The following GRIN2B variants were observed in gnomAD, a reference collection of about 807,000 sequenced individuals.
The protein encoded by GRIN2B is glutamate ionotropic receptor NMDA type subunit 2B, also known as glutamate receptor ionotropic, NMDA 2B.
GRIN2B carries 5 observed loss-of-function variants against 114.5 expected under a neutral mutation model. The observed-to-expected ratio is 0.04, with a 90% CI of 0.02 to 0.09. The LOEUF is 0.09. Ranked by LOEUF, GRIN2B falls within the 10% of genes least tolerant of loss-of-function variation. The pLI, the probability that GRIN2B is intolerant of heterozygous loss-of-function variation, is 1.00. For missense variants in GRIN2B, 1,108 were observed against 1,943.5 expected (o/e 0.57, Z 8.08); for synonymous variants, 787 against 745.1 (o/e 1.06, Z -0.92).
chr12:13,807,865 TAACC>T (rs1864638393), intron 3 of GRIN2B, among the ~76,000 whole-genome samples: 1 of 151,946 alleles, frequency 6.6e-6, no homozygotes, highest in Non-Finnish European at 1.5e-5. Context: ...TCAGGAACCT[TAACC>T]AACCCACCCA....
intron 4 of GRIN2B, among the ~76,000 whole-genome samples, chr12:13,678,500 T>A (rs1950097327): frequency 6.6e-6 from 1 of 152,098 alleles, no homozygotes; most frequent in Admixed American, 6.6e-5. Context: ...ATATACAACA[T>A]CAGACTTAGC....
intron 4 of GRIN2B, among the ~76,000 whole-genome samples, chr12:13,708,650 TATC>T (rs1950385107): frequency 6.6e-6 from 1 of 152,086 alleles, no homozygotes; most frequent in African/African-American, 2.4e-5. Context: ...ACTTTACATA[TATC>T]ATTTCTTTCT....
chr12:13,870,631 TAATTA>T (rs1412024624), intron 2 of GRIN2B, among the ~76,000 whole-genome samples: 1 of 152,032 alleles, frequency 6.6e-6, no homozygotes, highest in East Asian at 1.9e-4. Flanking sequence ...ACTTAATCAA[TAATTA>T]AGTCAAAAAT....
In GRIN2B at chr12:13,752,083, C is replaced by A. The variant is rs549782571; in HGVS notation, c.1010+1234G>T. ...TGTGAACCTGGTTTGAGTTTCAACC[C>A]TGAATTGAAGCTGTACTCTACAGAC... On this transcript the variant is annotated intron_variant, in intron 4 of 13. Coordinates refer to ENST00000609686, the MANE Select transcript of GRIN2B (RefSeq NM_000834.5). Among the ~76,000 whole-genome samples the A allele has an allele frequency of 7.2e-5, 11 of 152,260 alleles. No homozygotes were observed. In the South Asian group the frequency reaches 2.1e-3, roughly 29 times the overall value.
At chr12:13,834,574 G>A (rs148195614) in intron 3 of GRIN2B, among the ~76,000 whole-genome samples, 3 of 152,242 alleles carry the variant, frequency 2.0e-5, no homozygotes, top group East Asian at 3.9e-4. Context: ...AGTGGACCTC[G>A]TCCCTGGGTC....
chr12:13,571,105 T>C (rs1413400983), intron 11 of GRIN2B, among the ~76,000 whole-genome samples: 1 of 152,208 alleles, frequency 6.6e-6, no homozygotes, highest in Non-Finnish European at 1.5e-5. Context: ...GCTACAAGGG[T>C]ATTGAGACAA....
intron 13 of GRIN2B, 23 bp downstream of exon 13, chr12:13,567,002 G>A (rs1440316383): frequency 2.0e-6 from 3 of 1,503,042 alleles, no homozygotes; most frequent in Non-Finnish European, 2.8e-6. Flanking sequence ...ACAAGCTTTA[G>A]GCATTTAAAT....
intron 2 of GRIN2B, among the ~76,000 whole-genome samples, chr12:13,939,965 CA>C (rs1239628003): frequency 6.6e-6 from 1 of 152,090 alleles, no homozygotes; most frequent in Non-Finnish European, 1.5e-5. Flanking sequence ...GGCATCAAGG[CA>C]GGAGCTGGGA....
chr12:13,623,964 T>A (rs966379043), intron 5 of GRIN2B, among the ~76,000 whole-genome samples: 3 of 152,210 alleles, frequency 2.0e-5, no homozygotes, highest in Non-Finnish European at 4.4e-5. Context: ...GCACATGACC[T>A]TCCCCTGCCT....
chr12:13,953,007 C>A (rs1867518935), intron 2 of GRIN2B, among the ~76,000 whole-genome samples: 1 of 151,556 alleles, frequency 6.6e-6, no homozygotes, highest in Admixed American at 6.6e-5. Context: ...GATTCATTTC[C>A]ATGACTTTTG....
intron 5 of GRIN2B, among the ~76,000 whole-genome samples, chr12:13,666,680 T>C (rs1358680726): frequency 6.6e-6 from 1 of 152,176 alleles, no homozygotes; most frequent in East Asian, 1.9e-4. Context: ...CCTGTATACA[T>C]GAATTATTTC....
chr12:13,847,296 A>T (rs1184605414), intron 3 of GRIN2B, among the ~76,000 whole-genome samples: 2 of 152,132 alleles, frequency 1.3e-5, no homozygotes, highest in Non-Finnish European at 2.9e-5. Flanking sequence ...AAGCATATGG[A>T]TGGGGAAGGT....
At chr12:13,913,555 T>C (rs144587306) in intron 2 of GRIN2B, among the ~76,000 whole-genome samples, 105 of 152,276 alleles carry the variant, frequency 6.9e-4, no homozygotes, top group African/African-American at 2.4e-3. Flanking sequence ...CCTCTGAAAA[T>C]TGAATAGTTA....
chr12:13,704,757 G>A (rs552706457), intron 4 of GRIN2B, among the ~76,000 whole-genome samples: 13 of 152,256 alleles, frequency 8.5e-5, no homozygotes, highest in African/African-American at 2.2e-4. Context: ...AGAGCTAAAC[G>A]AATTAATACA....
intron 2 of GRIN2B, among the ~76,000 whole-genome samples, chr12:13,926,410 C>T (rs2136818761): frequency 1.3e-5 from 2 of 152,224 alleles, no homozygotes; most frequent in Non-Finnish European, 2.9e-5. Flanking sequence ...GCATTGCTTT[C>T]CTCCCGGGAG....
intron 2 of GRIN2B, among the ~76,000 whole-genome samples, chr12:13,874,357 G>C (rs571653480): frequency 2.6e-5 from 4 of 152,262 alleles, no homozygotes; most frequent in African/African-American, 9.6e-5. Flanking sequence ...TACAAGGTTT[G>C]TACAGATAAC....
Position 13,567,009 on chromosome 12 carries a change from A to T in GRIN2B, c.2598+16T>A. 6.4e-7 allele frequency: 1 copy of T among 1,567,488 alleles called. No homozygotes were observed. The highest frequency in any genetic ancestry group is 8.8e-7 in the Non-Finnish European group (1 of 1,137,278). ...TGTCCCTAACAAGCTTTAGGCATTT[A>T]AATCAAAACACTTACTCTGCTGATG... is the stretch of plus-strand genomic sequence containing the variant. On this transcript the variant is annotated intron_variant, in intron 13 of 13. Coordinates refer to ENST00000609686, the MANE Select transcript of GRIN2B (RefSeq NM_000834.5).
At chr12:13,822,770 G>C (rs1006786245) in intron 3 of GRIN2B, among the ~76,000 whole-genome samples, 1 of 137,210 alleles carries the variant, frequency 7.3e-6, no homozygotes, top group African/African-American at 2.8e-5. Context: ...CCAATCTTTT[G>C]ATATAGGAAC....
chr12:13,865,120 T>G (rs968490156), intron 3 of GRIN2B, among the ~76,000 whole-genome samples: 2 of 152,216 alleles, frequency 1.3e-5, no homozygotes, highest in Non-Finnish European at 2.9e-5. Context: ...ATTTTTCTTT[T>G]TATAGTCTTG....
Sources: gnomAD v4.1 joint callset for allele counts (sites outside exome capture counted in the v4.1 genomes callset) on GRCh38, gnomAD v4.1.1 for gene constraint, MANE v1.5 for transcripts, NCBI Gene and HGNC (gene_info 2026-07-23, HGNC 2026-07-21) for gene names.